STX6: variants seen among roughly 807,000 people sequenced by gnomAD.
The protein encoded by STX6 is syntaxin-6.
Under a neutral mutation model 38.0 loss-of-function variants are expected in STX6, and 23 were observed. That is an observed-to-expected ratio of 0.60 (90% CI 0.43 to 0.86). STX6 has a LOEUF of 0.86. Ranked by LOEUF, STX6 falls within the 40% of genes least tolerant of loss-of-function variation. The pLI is 0.00. For missense variants in STX6, 274 were observed against 312.9 expected, an observed-to-expected ratio of 0.88 and a Z score of 0.94; for synonymous variants, 123 against 107.5, an observed-to-expected ratio of 1.14 and a Z score of -0.89.
chr1:180,997,055 C>T (rs1655935729), intron 3 of STX6, among the ~76,000 whole-genome samples: 1 of 152,164 alleles, frequency 6.6e-6, no homozygotes, highest in Admixed American at 6.5e-5. Context: ...GAGAGGGAAA[C>T]AGCATGATCT....
chr1:181,009,525 C>CATATGACAA (rs1464876634), intron 1 of STX6, among the ~76,000 whole-genome samples: 5 of 146,990 alleles, frequency 3.4e-5, no homozygotes, highest in African/African-American at 1.2e-4. Context: ...CAAAGACATA[C>CATATGACAA]ATATGACAAA....
intron 7 of STX6, among the ~76,000 whole-genome samples, chr1:180,978,976 C>G (rs1655329620): frequency 6.6e-6 from 1 of 152,192 alleles, no homozygotes; most frequent in African/African-American, 2.4e-5. Context: ...GAACCAGAGT[C>G]AGATACAGCA....
At chr1:181,018,106 C>T (rs1656615735) in intron 1 of STX6, among the ~76,000 whole-genome samples, 1 of 151,884 alleles carries the variant, frequency 6.6e-6, no homozygotes. Context: ...TAAAACAGGC[C>T]AGGCGCGGTG....
intron 3 of STX6, among the ~76,000 whole-genome samples, chr1:180,997,988 T>C (rs1374699356): frequency 6.6e-6 from 1 of 152,258 alleles, no homozygotes; most frequent in Non-Finnish European, 1.5e-5. Context: ...GTACAGATTA[T>C]TTTTAACCTA....
intron 7 of STX6, among the ~76,000 whole-genome samples, chr1:180,980,248 G>A (rs1655368561): frequency 1.3e-5 from 2 of 149,038 alleles, no homozygotes; most frequent in Non-Finnish European, 3.0e-5. Flanking sequence ...TGCCAGGGAA[G>A]CATACGAAAA....
At chr1:180,996,183 A>G (rs1655910307) in intron 3 of STX6, among the ~76,000 whole-genome samples, 1 of 152,168 alleles carries the variant, frequency 6.6e-6, no homozygotes, top group Non-Finnish European at 1.5e-5. Context: ...TTTTAAGGAG[A>G]TAACATAAAA....
At chr1:181,012,802 G>A (rs929013642) in intron 1 of STX6, among the ~76,000 whole-genome samples, 2 of 151,246 alleles carry the variant, frequency 1.3e-5, no homozygotes, top group African/African-American at 4.9e-5. Flanking sequence ...AGCCTCCTGA[G>A]TAGCTGGGAT....
intron 1 of STX6, among the ~76,000 whole-genome samples, chr1:181,012,142 T>G (rs574231066): frequency 1.3e-5 from 2 of 152,332 alleles, no homozygotes; most frequent in South Asian, 4.1e-4. Flanking sequence ...CTTAGCAAAC[T>G]TCTTGGTAAA....
chr1:181,020,457 T>C (rs1480547456), intron 1 of STX6, among the ~76,000 whole-genome samples: 2 of 152,146 alleles, frequency 1.3e-5, no homozygotes, highest in Non-Finnish European at 2.9e-5. Context: ...TACTAGAAAA[T>C]GTAAAATGAC....
rs187566852 is a variant in STX6 at position 181,004,249 on chromosome 1, C to T, written c.205+1045G>A. 2.0e-5 allele frequency among the ~76,000 whole-genome samples: 3 copies of T among 152,356 alleles called. No homozygotes were observed. In the East Asian group the frequency reaches 5.8e-4, roughly 29 times the overall value. ...TAAATGCAAATTCGGTCTCTGCCCC[C>T]TCATTTCTGGCACACAGCTCCTTGA... On this transcript the variant is annotated intron_variant, in intron 2 of 7. Transcript: ENST00000258301.
intron 3 of STX6, 80 bp from the exon 4 acceptor site, chr1:180,993,505 A>G: frequency 1.4e-6 from 1 of 720,838 alleles, no homozygotes; most frequent in Non-Finnish European, 2.4e-6. Flanking sequence ...CATTAGCAAA[A>G]CACACAATTT....
intron 4 of STX6, among the ~76,000 whole-genome samples, chr1:180,990,608 A>T (rs1425032838): frequency 1.3e-5 from 2 of 152,164 alleles, no homozygotes; most frequent in Non-Finnish European, 2.9e-5. Flanking sequence ...ATAGCCCTTC[A>T]CACACAAAGG....
intron 5 of STX6, 68 bp from the exon 6 acceptor site, chr1:180,988,413 A>G: frequency 8.2e-7 from 1 of 1,225,388 alleles, no homozygotes; most frequent in South Asian, 1.2e-5. Flanking sequence ...CCAGCACTCT[A>G]GCAGCTGCTA....
intron 3 of STX6, among the ~76,000 whole-genome samples, chr1:180,996,993 T>C (rs1655934406): frequency 1.3e-5 from 2 of 152,200 alleles, no homozygotes; most frequent in African/African-American, 4.8e-5. Flanking sequence ...ATAACCAAAA[T>C]ATCTACTGGT....
intron 1 of STX6, among the ~76,000 whole-genome samples, chr1:181,014,968 C>T (rs747952354): frequency 1.3e-5 from 2 of 152,208 alleles, no homozygotes; most frequent in Non-Finnish European, 2.9e-5. Flanking sequence ...GTCAAAGTCA[C>T]GAGTGAATTT....
chr1:180,995,097 G>C (rs1185549239), intron 3 of STX6, among the ~76,000 whole-genome samples: 1 of 151,796 alleles, frequency 6.6e-6, no homozygotes, highest in Admixed American at 6.6e-5. Flanking sequence ...TGAATAGCTG[G>C]GACTACAGGC....
chr1:181,001,546 A>T (rs902173053), intron 3 of STX6, among the ~76,000 whole-genome samples: 2 of 152,202 alleles, frequency 1.3e-5, no homozygotes, highest in Non-Finnish European at 2.9e-5. Flanking sequence ...TAACTCTGGA[A>T]CGGCTGTCAA....
At chr1:181,022,263 C>T (rs779761881) in intron 1 of STX6, among the ~76,000 whole-genome samples, 1 of 152,190 alleles carries the variant, frequency 6.6e-6, no homozygotes, top group Non-Finnish European at 1.5e-5. Flanking sequence ...TGCCCAGATG[C>T]TGTTTTCGCT....
At position 181,000,832 on chromosome 1, in the gene STX6, A is replaced by C. The variant is rs528459058; in HGVS notation, c.300+1774T>G. 3.3e-5 allele frequency among the ~76,000 whole-genome samples: 5 copies of C among 151,548 alleles called. No homozygotes were observed. In the South Asian group the frequency reaches 1.0e-3, roughly 32 times the overall value. ...TGCTTCACTGCAAGGCCCCACTTAA[A>C]TATTAACGTCTATAGGAGTATCCTT... On this transcript the variant is annotated intron_variant, in intron 3 of 7. Transcript: ENST00000258301.
Sources: allele counts gnomAD v4.1 joint callset (sites outside exome capture counted in the v4.1 genomes callset), GRCh38; gene constraint gnomAD v4.1.1; transcripts MANE v1.5; gene names NCBI Gene and HGNC (gene_info 2026-07-23, HGNC 2026-07-21).